Variants in ITGA11 observed in about 807,000 individuals in gnomAD.
The protein encoded by ITGA11 is integrin alpha-11.
Under a neutral mutation model 141.9 loss-of-function variants are expected in ITGA11, and 97 were observed. The ratio of observed to expected loss-of-function variants is 0.68; its 90% CI spans 0.58 to 0.81. The LOEUF is 0.81. Ranked by LOEUF, ITGA11 falls within the 30% of genes least tolerant of loss-of-function variation. The probability of loss-of-function intolerance (pLI) is 0.00; values close to 1 mark genes in which losing one functional copy is unlikely to be tolerated. For synonymous variants in ITGA11, 658 were observed against 624.6 expected (o/e 1.05, Z -0.80); for missense variants, 1,387 against 1,559.2 (o/e 0.89, Z 1.86).
At position 68,298,042 on chromosome 15, in the gene ITGA11, G is replaced by A. The variant is rs1032082266; in HGVS notation, c.*5017C>T. 2.0e-5 allele frequency: 3 copies of A among 152,210 alleles called. No individual in the cohort carries two copies. The highest frequency in any genetic ancestry group is 4.4e-5 in the Non-Finnish European group (3 of 68,054). 9.4% of individuals were successfully genotyped at this position (152,210 alleles called of 1,614,324 possible). On this transcript the variant is annotated 3_prime_UTR_variant, in exon 30 of 30. Coordinates refer to ENST00000315757, the MANE Select transcript of ITGA11 (RefSeq NM_001004439.2). ...CACTCCCTGGCTGCAATAACCTAGT[G>A]AGACTGCGGAAATCATCCAGACAGG...
At chr15:68,405,087 C>T (rs1279863596) in intron 1 of ITGA11, among the ~76,000 whole-genome samples, 1 of 151,282 alleles carries the variant, frequency 6.6e-6, no homozygotes, top group African/African-American at 2.4e-5. Flanking sequence ...CAGTATTCAA[C>T]TGTGAAGCCC....
chr15:68,402,731 C>T (rs922315309), intron 2 of ITGA11, among the ~76,000 whole-genome samples, 187 bp downstream of exon 2: 1 of 152,196 alleles, frequency 6.6e-6, no homozygotes, highest in South Asian at 2.1e-4. Context: ...AGAAATTGAA[C>T]ATTCAAGCTT....
In ITGA11 at chr15:68,389,899, A is replaced by C. The variant is rs143651417; in HGVS notation, c.164+13019T>G. Among the ~76,000 whole-genome samples the C allele has an allele frequency of 4.7e-3, 709 of 152,342 alleles. 11 individuals are homozygous for C. The highest frequency in any genetic ancestry group is 0.016 in the African/African-American group (685 of 41,576). ...AGGAGGCTTCCTGCTTCAGGGGACC[A>C]AAGGCTCAGAGAGGCCCTCTGCAAG... is the stretch of plus-strand genomic sequence containing the variant. On this transcript the variant is annotated intron_variant, in intron 2 of 29. Coordinates refer to ENST00000315757, the MANE Select transcript of ITGA11 (RefSeq NM_001004439.2).
intron 1 of ITGA11, among the ~76,000 whole-genome samples, chr15:68,411,101 G>T (rs1379155429): frequency 6.6e-6 from 1 of 152,336 alleles, no homozygotes; most frequent in South Asian, 2.1e-4. Context: ...CACATGGAGG[G>T]TGTGGAGTGA....
intron 5 of ITGA11, among the ~76,000 whole-genome samples, chr15:68,358,798 G>C (rs1380387335): frequency 6.6e-6 from 1 of 152,216 alleles, no homozygotes; most frequent in Non-Finnish European, 1.5e-5. Flanking sequence ...CTGGCTGTTT[G>C]AACAAAGCTT....
chr15:68,351,464 G>C, intron 7 of ITGA11, 62 bp from the exon 8 acceptor site: 3 of 1,558,324 alleles, frequency 1.9e-6, no homozygotes, highest in Middle Eastern at 1.7e-4. Context: ...AGCCCCTGAC[G>C]CTCCTGCAGA....
chr15:68,352,120 A>G (rs1230554200), intron 7 of ITGA11, among the ~76,000 whole-genome samples: 1 of 146,746 alleles, frequency 6.8e-6, no homozygotes, highest in African/African-American at 2.5e-5. Flanking sequence ...AAACAAACAA[A>G]CACCATTGAT....
intron 2 of ITGA11, among the ~76,000 whole-genome samples, chr15:68,396,140 C>A (rs1896233960): frequency 6.6e-6 from 1 of 151,558 alleles, no homozygotes; most frequent in Non-Finnish European, 1.5e-5. Flanking sequence ...ATACAAATAC[C>A]CCAACAGAAA....
At chr15:68,372,353 A>G (rs1157904537) in intron 2 of ITGA11, among the ~76,000 whole-genome samples, 2 of 151,228 alleles carry the variant, frequency 1.3e-5, no homozygotes, top group African/African-American at 2.4e-5. Flanking sequence ...TCAGGCTTAT[A>G]CAGCCTTCTG....
chr15:68,342,996 CT>C (rs1160024644), intron 10 of ITGA11, among the ~76,000 whole-genome samples: 2 of 112,564 alleles, frequency 1.8e-5, no homozygotes, highest in Admixed American at 9.5e-5. Flanking sequence ...TGGGCAAGTT[CT>C]TCTCTCTCTC....
At position 68,321,358 on chromosome 15, in the gene ITGA11, CCA is replaced by C; in HGVS notation, c.2408+58_2408+59del. 2 of 1,102,416 alleles carry C rather than the reference CCA, an allele frequency of 1.8e-6. No homozygotes were observed. Among genetic ancestry groups the C allele is most frequent in the Non-Finnish European group, 2.6e-6 (2 of 777,580 alleles). The allele number at this position is 1,102,416 out of a possible 1,614,324, so 68.3% of individuals were successfully genotyped here. Reference sequence around the variant, plus strand: ...GAAATAATCCAGGGCCCCAGGAGCCCCAGAGCCTCTGGCAGTGAAGGGGAAGG... The same window carrying C: ...GAAATAATCCAGGGCCCCAGGAGCCCGAGCCTCTGGCAGTGAAGGGGAAGG... On this transcript the variant is annotated intron_variant, in intron 19 of 29. Transcript: ENST00000315757. The surrounding 1 kb of genome is among the most constrained non-coding windows in gnomAD (Gnocchi z 4.9).
chr15:68,383,882 T>C (rs972195439), intron 2 of ITGA11, among the ~76,000 whole-genome samples: 11 of 152,218 alleles, frequency 7.2e-5, no homozygotes, highest in Admixed American at 7.2e-4. Flanking sequence ...CACAGGCTGC[T>C]GTAGGGGGAG....
At chr15:68,315,984 T>A (rs1893561924) in intron 21 of ITGA11, among the ~76,000 whole-genome samples, 1 of 152,082 alleles carries the variant, frequency 6.6e-6, no homozygotes, top group Admixed American at 6.5e-5. Flanking sequence ...CCAGCCCCCC[T>A]CCCTCTTCCT....
At chr15:68,367,642 G>A (rs1346067285) in intron 3 of ITGA11, among the ~76,000 whole-genome samples, 1 of 152,032 alleles carries the variant, frequency 6.6e-6, no homozygotes, top group Non-Finnish European at 1.5e-5. Flanking sequence ...CCCGATTACT[G>A]TCCCCTTCCT....
chr15:68,399,657 G>T (rs1896417703), intron 2 of ITGA11, among the ~76,000 whole-genome samples: 1 of 152,084 alleles, frequency 6.6e-6, no homozygotes, highest in South Asian at 2.1e-4. Context: ...GTCCTTTGCA[G>T]CAACATGGAT....
At chr15:68,356,266 G>T (rs7164238) in intron 7 of ITGA11, among the ~76,000 whole-genome samples, 145,406 of 149,688 alleles carry the variant, frequency 0.97, 70,562 homozygotes, top group Middle Eastern at 1. Context: ...CGGCTAATTT[G>T]TTTTTTTTTT....
chr15:68,307,619 T>A lies in ITGA11; in HGVS notation c.3252A>T (p.Leu1084=). 1 of 1,613,452 alleles carries A rather than the reference T, an allele frequency of 6.2e-7. No individual in the cohort carries two copies. Among genetic ancestry groups the A allele is most frequent in the Non-Finnish European group, 8.5e-7 (1 of 1,179,582 alleles). Residue 1084 remains leucine (L), a synonymous_variant, in exon 27 of 30, where the codon CTA becomes CTT. Coordinates refer to ENST00000315757, the MANE Select transcript of ITGA11 (RefSeq NM_001004439.2). The surrounding 1 kb of genome is among the most constrained non-coding windows in gnomAD (Gnocchi z 6.1). ...LVPNQEINFH[L]LGNLWLRSLK... is the part of the protein sequence containing the mutation. ...GGGACCTCAACCACAGGTTCCCCAG[T>A]AGATGGAAATTGATTTCCTGGTTGG...
At chr15:68,310,689 C>A (rs183261982) in intron 26 of ITGA11, among the ~76,000 whole-genome samples, 1 of 152,280 alleles carries the variant, frequency 6.6e-6, no homozygotes, top group Admixed American at 6.5e-5. Flanking sequence ...CCCGCTTGGC[C>A]CAGGTGCAAG....
chr15:68,372,401 A>G (rs1483008106), intron 2 of ITGA11, among the ~76,000 whole-genome samples: 1 of 151,816 alleles, frequency 6.6e-6, no homozygotes, highest in Admixed American at 6.5e-5. Context: ...GGGGCTTGAT[A>G]CCCTATACCT....
Sources: gnomAD v4.1 joint callset for allele counts (sites outside exome capture counted in the v4.1 genomes callset) on GRCh38, gnomAD v4.1.1 for gene constraint, Gnocchi (gnomAD v3.1) non-coding constraint, MANE v1.5 for transcripts, NCBI Gene and HGNC (gene_info 2026-07-23, HGNC 2026-07-21) for gene names.